ALX4: variants seen among roughly 807,000 people sequenced by gnomAD.
ALX4 encodes the protein homeobox protein aristaless-like 4.
In ALX4, 22 loss-of-function variants were observed where a neutral mutation model predicts 40.6. The ratio of observed to expected loss-of-function variants is 0.54; its 90% CI spans 0.39 to 0.77. The LOEUF is 0.77. Ranked by LOEUF, ALX4 falls within the 30% of genes least tolerant of loss-of-function variation. The probability of loss-of-function intolerance (pLI) is 0.00; values close to 1 mark genes in which losing one functional copy is unlikely to be tolerated. For missense variants in ALX4, 556 were observed against 564.8 expected (o/e 0.98, Z 0.16); for synonymous variants, 266 against 240.5 (o/e 1.11, Z -0.98).
At chr11:44,268,539 A>C in intron 2 of ALX4, among the ~76,000 whole-genome samples, 1 of 152,028 alleles carries the variant, frequency 6.6e-6, no homozygotes, top group East Asian at 1.9e-4. Flanking sequence ...GGGGGAGGGG[A>C]GGTCTCTGAG....
chr11:44,308,471 G>A (rs1223097646), intron 1 of ALX4, among the ~76,000 whole-genome samples: 1 of 152,236 alleles, frequency 6.6e-6, no homozygotes, highest in Non-Finnish European at 1.5e-5. Flanking sequence ...GAAGGCCAAG[G>A]CCTCCGGGTA....
At chr11:44,291,418 C>CTTTTTTT (rs56098274) in intron 1 of ALX4, among the ~76,000 whole-genome samples, 98,691 of 148,090 alleles carry the variant, frequency 0.67, 33,201 homozygotes, top group South Asian at 0.88. Flanking sequence ...TTCTTTCTTT[C>CTTTTTTT]TTTTTTTGGA....
chr11:44,293,428 A>AAT (rs1554946716), intron 1 of ALX4, among the ~76,000 whole-genome samples: 9 of 151,176 alleles, frequency 6.0e-5, no homozygotes, highest in African/African-American at 9.7e-5. Flanking sequence ...AAGAAAAAAA[A>AAT]ATATATATAT....
chr11:44,296,676 C>A (rs888786061), intron 1 of ALX4, among the ~76,000 whole-genome samples: 1 of 152,096 alleles, frequency 6.6e-6, no homozygotes, highest in Non-Finnish European at 1.5e-5. Flanking sequence ...ACACAAATGG[C>A]CAGACGCCAA....
chr11:44,298,601 C>G (rs760342569), intron 1 of ALX4, among the ~76,000 whole-genome samples: 4 of 152,072 alleles, frequency 2.6e-5, no homozygotes, highest in Non-Finnish European at 5.9e-5. Flanking sequence ...AGGGAGAAAA[C>G]CATTTGGCTA....
At chr11:44,286,181 C>A (rs763136882) in intron 1 of ALX4, among the ~76,000 whole-genome samples, 11 of 152,148 alleles carry the variant, frequency 7.2e-5, no homozygotes, top group Non-Finnish European at 1.6e-4. Context: ...GAAGAAGGGA[C>A]CTTTCAGGAT....
intron 1 of ALX4, among the ~76,000 whole-genome samples, chr11:44,277,347 G>T (rs890655184): frequency 3.0e-4 from 45 of 152,336 alleles, no homozygotes; most frequent in Non-Finnish European, 5.9e-5. Flanking sequence ...AGCCAACTGG[G>T]TGTCTGCAGA....
At chr11:44,296,030 G>A (rs72907859) in intron 1 of ALX4, among the ~76,000 whole-genome samples, 7,147 of 152,326 alleles carry the variant, frequency 0.047, 231 homozygotes, top group Non-Finnish European at 0.07. Context: ...CTGGCCTGCA[G>A]GCAAGGAGAT....
intron 1 of ALX4, among the ~76,000 whole-genome samples, chr11:44,297,586 C>T (rs954783241): frequency 9.9e-5 from 15 of 151,892 alleles, no homozygotes; most frequent in East Asian, 3.9e-4. Flanking sequence ...GGCGTGGTGA[C>T]GAGCCTGTAG....
At chr11:44,305,815 T>G (rs1163188163) in intron 1 of ALX4, among the ~76,000 whole-genome samples, 1 of 152,150 alleles carries the variant, frequency 6.6e-6, no homozygotes, top group Non-Finnish European at 1.5e-5. Context: ...AACAATCTGC[T>G]TTCAACAAAA....
chr11:44,295,012 G>C (rs991412715), intron 1 of ALX4, among the ~76,000 whole-genome samples: 1 of 152,002 alleles, frequency 6.6e-6, no homozygotes, highest in African/African-American at 2.4e-5. Flanking sequence ...ACCACGCCCA[G>C]CTAATTTTTT....
intron 1 of ALX4, among the ~76,000 whole-genome samples, chr11:44,291,687 T>G (rs1378954830): frequency 6.6e-6 from 1 of 152,164 alleles, no homozygotes; most frequent in Non-Finnish European, 1.5e-5. Flanking sequence ...ATTACAGGCA[T>G]GAGCCATTGC....
intron 3 of ALX4, among the ~76,000 whole-genome samples, chr11:44,267,274 C>T (rs1001880010): frequency 4.6e-5 from 7 of 152,188 alleles, no homozygotes; most frequent in African/African-American, 1.7e-4. Flanking sequence ...CCCAACCTTC[C>T]CTTCCCTAAA....
In ALX4 at chr11:44,276,339, G is replaced by C. The variant is rs142244264; in HGVS notation, c.467-681C>G. On this transcript the variant is annotated intron_variant, in intron 1 of 3. Coordinates refer to ENST00000652299, the MANE Select transcript of ALX4 (RefSeq NM_021926.4). ...GATTGAGGCATGGGCCACATTTCCTGTTACAAGCAGCTCCTGCCCACTGTT... is the reference window on the plus strand; with the variant it reads ...GATTGAGGCATGGGCCACATTTCCTCTTACAAGCAGCTCCTGCCCACTGTT... Among the ~76,000 whole-genome samples, 1,342 of 152,052 alleles carry C rather than the reference G, an allele frequency of 8.8e-3. 13 individuals carry two copies. The highest frequency in any genetic ancestry group is 0.014 in the Non-Finnish European group (965 of 67,974).
At chr11:44,277,172 C>T (rs1485680848) in intron 1 of ALX4, among the ~76,000 whole-genome samples, 1 of 152,186 alleles carries the variant, frequency 6.6e-6, no homozygotes, top group Non-Finnish European at 1.5e-5. Flanking sequence ...AGTGTGCTAG[C>T]TATGTAGTTT....
At chr11:44,283,235 A>C (rs1333422358) in intron 1 of ALX4, among the ~76,000 whole-genome samples, 1 of 147,384 alleles carries the variant, frequency 6.8e-6, no homozygotes, top group East Asian at 2.0e-4. Context: ...CAACAAGAGC[A>C]AAACTCCATC....
chr11:44,308,196 C>A (rs956681779), intron 1 of ALX4, among the ~76,000 whole-genome samples: 3 of 152,210 alleles, frequency 2.0e-5, no homozygotes, highest in African/African-American at 7.2e-5. Flanking sequence ...AAGATGCTCT[C>A]TGCGTGTGTG....
chr11:44,294,844 T>C (rs1300684917), intron 1 of ALX4, among the ~76,000 whole-genome samples: 1 of 151,544 alleles, frequency 6.6e-6, no homozygotes, highest in Non-Finnish European at 1.5e-5. Flanking sequence ...ATTTATTTAT[T>C]TATTTATTTA....
rs764539399 is a variant in ALX4 at position 44,310,045 on chromosome 11, G to C, written c.18C>G (p.Cys6Trp). 1.9e-5 allele frequency: 31 copies of C among 1,597,264 alleles called. No homozygotes were observed. The highest frequency in any genetic ancestry group is 1.6e-4 in the South Asian group (14 of 88,304). Residue 6 changes from cysteine (C) to tryptophan (W), a missense_variant, in exon 1 of 4, where the codon TGC becomes TGG. Coordinates refer to ENST00000652299, the MANE Select transcript of ALX4 (RefSeq NM_021926.4). Reference protein sequence around the residue: MNAETCVSYCESPAAA... With the variant: MNAETWVSYCESPAAA... ...CGGCCGGCGACTCGCAGTAAGAGAC[G>C]CAAGTCTCAGCATTCATGCCTGGCT...
Sources: gnomAD v4.1 joint callset for allele counts (sites outside exome capture counted in the v4.1 genomes callset) on GRCh38, gnomAD v4.1.1 for gene constraint, MANE v1.5 for transcripts, NCBI Gene and HGNC (gene_info 2026-07-23, HGNC 2026-07-21) for gene names.